The following PLB1 variants were observed in gnomAD, a reference collection of about 807,000 sequenced individuals.
The protein encoded by PLB1 is phospholipase B1, also known as phospholipase B1, membrane-associated.
PLB1 carries 242 observed loss-of-function variants against 227.4 expected under a neutral mutation model. The ratio of observed to expected loss-of-function variants is 1.06; its 90% confidence interval spans 0.96 to 1.18. The LOEUF (loss-of-function observed/expected upper bound fraction) is 1.18, where lower values mean the gene tolerates loss of function less well. Among genes scored for constraint, PLB1 ranks in the 50% most tolerant of loss-of-function variants. The pLI is 0.00. For synonymous variants in PLB1, 757 were observed against 682.2 expected (o/e 1.11, Z -1.71); for missense variants, 1,858 against 1,816.3 (o/e 1.02, Z -0.42).
chr2:28,556,815 A>G (rs1675207205), intron 17 of PLB1, among the ~76,000 whole-genome samples: 3 of 152,218 alleles, frequency 2.0e-5, no homozygotes, highest in Admixed American at 2.0e-4. Flanking sequence ...GCTGTCACCA[A>G]TAGTATAAAC....
At chr2:28,545,464 G>A (rs879711675) in intron 14 of PLB1, among the ~76,000 whole-genome samples, 4 of 152,152 alleles carry the variant, frequency 2.6e-5, no homozygotes, top group African/African-American at 4.8e-5. Flanking sequence ...GAGAAGCGAC[G>A]GGTATAACAG....
At chr2:28,522,749 G>C (rs1213138636) in intron 4 of PLB1, among the ~76,000 whole-genome samples, 1 of 152,182 alleles carries the variant, frequency 6.6e-6, no homozygotes, top group African/African-American at 2.4e-5. Context: ...GACTCCATCA[G>C]GATGACCTCC....
chr2:28,578,493 GAC>G (rs1166448861), intron 22 of PLB1, among the ~76,000 whole-genome samples: 1 of 152,160 alleles, frequency 6.6e-6, no homozygotes, highest in Non-Finnish European at 1.5e-5. Context: ...CTCTGTATAA[GAC>G]ACGGTGGGGT....
intron 2 of PLB1, 130 bp from the exon 3 acceptor site, chr2:28,518,336 G>A (rs1266873671): frequency 4.2e-6 from 3 of 716,380 alleles, no homozygotes; most frequent in Non-Finnish European, 7.4e-6. Context: ...AATGACTATG[G>A]GCAATTGTTG....
intron 17 of PLB1, among the ~76,000 whole-genome samples, chr2:28,556,499 C>T (rs1451354706): frequency 6.6e-6 from 1 of 152,182 alleles, no homozygotes; most frequent in Non-Finnish European, 1.5e-5. Context: ...TGCAATTTGC[C>T]AAGTGCTCTC....
intron 26 of PLB1, among the ~76,000 whole-genome samples, chr2:28,588,914 C>T (rs2148280866): frequency 6.6e-6 from 1 of 152,110 alleles, no homozygotes; most frequent in Non-Finnish European, 1.5e-5. Flanking sequence ...ACCTGTAATC[C>T]CAGCACTTTG....
intron 14 of PLB1, among the ~76,000 whole-genome samples, chr2:28,544,219 A>G (rs1415530585): frequency 6.6e-6 from 1 of 152,236 alleles, no homozygotes; most frequent in Non-Finnish European, 1.5e-5. Context: ...TGAAGAAGGC[A>G]TTTGAGTTCT....
intron 16 of PLB1, among the ~76,000 whole-genome samples, chr2:28,550,484 T>G (rs1370919525): frequency 6.6e-6 from 1 of 151,608 alleles, no homozygotes; most frequent in Non-Finnish European, 1.5e-5. Context: ...CCTGGATTAT[T>G]TTAAAGCAGA....
chr2:28,525,248 C>T lies in PLB1; in HGVS notation c.244-19C>T. 6.2e-7 allele frequency: 1 copy of T among 1,612,316 alleles called. No individual in the cohort carries two copies. Among genetic ancestry groups the T allele is most frequent in the South Asian group, 1.1e-5 (1 of 90,872 alleles). ...GCCACCTCCCCTGGCTGGGTGTTAACATTGAGTATCTATTCCAGCCTCCAG... is the reference window on the plus strand; with the variant it reads ...GCCACCTCCCCTGGCTGGGTGTTAATATTGAGTATCTATTCCAGCCTCCAG... On this transcript the variant is annotated intron_variant, in intron 4 of 57. Coordinates refer to ENST00000327757, the MANE Select transcript of PLB1 (RefSeq NM_153021.5).
At chr2:28,509,868 T>C (rs1668035447) in intron 1 of PLB1, among the ~76,000 whole-genome samples, 1 of 152,164 alleles carries the variant, frequency 6.6e-6, no homozygotes, top group Admixed American at 6.5e-5. Flanking sequence ...ACAGGCACTG[T>C]ACCTGGTGAA....
chr2:28,628,444 C>T, intron 51 of PLB1, 119 bp from the exon 52 acceptor site: 1 of 826,688 alleles, frequency 1.2e-6, no homozygotes, highest in Non-Finnish European at 2.0e-6. Context: ...ACCAGGACCA[C>T]CGAAGCCCCT....
At chr2:28,596,255 C>T (rs1682897165) in intron 33 of PLB1, among the ~76,000 whole-genome samples, 1 of 152,144 alleles carries the variant, frequency 6.6e-6, no homozygotes, top group Non-Finnish European at 1.5e-5. Context: ...CTAAGGTGGA[C>T]TAGCTGTTTG....
chr2:28,590,147 T>C, intron 29 of PLB1, 71 bp downstream of exon 29: 2 of 1,309,570 alleles, frequency 1.5e-6, no homozygotes, highest in African/African-American at 1.5e-5. Context: ...TCCTAGGCCC[T>C]CACCCTCACC....
intron 9 of PLB1, among the ~76,000 whole-genome samples, chr2:28,536,479 C>G (rs571301296): frequency 6.6e-6 from 1 of 152,318 alleles, no homozygotes; most frequent in Admixed American, 6.5e-5. Flanking sequence ...ACGTCTCTAG[C>G]TACAGGTGGC....
At chr2:28,636,029 A>ATGTGTGTGTG (rs1216850755) in intron 56 of PLB1, among the ~76,000 whole-genome samples, 3 of 81,340 alleles carry the variant, frequency 3.7e-5, no homozygotes, top group East Asian at 8.8e-4. Flanking sequence ...ATGTGTGTGT[A>ATGTGTGTGTG]TGTGTGTGTG....
chr2:28,582,058 C>G lies in PLB1; in HGVS notation c.1567-10C>G. On this transcript the variant is annotated splice_polypyrimidine_tract_variant and intron_variant, in intron 23 of 57. Transcript: ENST00000327757. ...AAATGGTGTTCAAGGGACACTTCCT[C>G]TTCCTGCAGGTCCACTATTCTCCCC... is the stretch of plus-strand genomic sequence containing the variant. 1.2e-6 allele frequency: 2 copies of G among 1,611,424 alleles called. No homozygotes were observed. The highest frequency in any genetic ancestry group is 1.7e-6 in the Non-Finnish European group (2 of 1,177,600).
At chr2:28,541,855 G>A (rs777240177) in intron 13 of PLB1, 44 bp downstream of exon 13, 93 of 1,470,014 alleles carry the variant, frequency 6.3e-5, no homozygotes, top group Non-Finnish European at 8.2e-5. Flanking sequence ...GGTGGGGGCC[G>A]GGCATGGTGG....
chr2:28,578,900 T>C (rs1176570473), intron 22 of PLB1, among the ~76,000 whole-genome samples: 3 of 152,068 alleles, frequency 2.0e-5, no homozygotes, highest in African/African-American at 7.2e-5. Context: ...GAAGTGTAGA[T>C]CAGGGAAGCA....
intron 4 of PLB1, among the ~76,000 whole-genome samples, chr2:28,521,247 T>C (rs1669495411): frequency 6.6e-6 from 1 of 152,258 alleles, no homozygotes; most frequent in Non-Finnish European, 1.5e-5. Flanking sequence ...GGTGTACAAA[T>C]ATCTGTTCAA....
Sources: allele counts gnomAD v4.1 joint callset (sites outside exome capture counted in the v4.1 genomes callset), GRCh38; gene constraint gnomAD v4.1.1; transcripts MANE v1.5; gene names NCBI Gene and HGNC (gene_info 2026-07-23, HGNC 2026-07-21).